SESN1: variants seen among roughly 807,000 people sequenced by gnomAD.
SESN1 encodes the protein sestrin 1, also known as sestrin-1.
A neutral mutation model predicts 59.3 loss-of-function variants in SESN1; 30 were observed. That is an observed-to-expected ratio of 0.51 (90% CI 0.38 to 0.69). SESN1 has a LOEUF of 0.69. Among genes scored for constraint, SESN1 ranks in the 30% least tolerant of loss-of-function variants. The pLI, the probability that SESN1 is intolerant of heterozygous loss-of-function variation, is 0.00. For synonymous variants in SESN1, 197 were observed against 219.9 expected, an observed-to-expected ratio of 0.90 and a Z score of 0.92; for missense variants, 566 against 673.0, an observed-to-expected ratio of 0.84 and a Z score of 1.76.
chr6:109,040,879 C>T (rs1780329311), intron 1 of SESN1, among the ~76,000 whole-genome samples: 1 of 151,950 alleles, frequency 6.6e-6, no homozygotes, highest in Non-Finnish European at 1.5e-5. Flanking sequence ...GTCTCAATCT[C>T]CTGACCTCGT....
intron 1 of SESN1, among the ~76,000 whole-genome samples, chr6:109,057,049 C>A (rs967956991): frequency 5.1e-4 from 78 of 152,290 alleles, no homozygotes; most frequent in African/African-American, 1.9e-3. Context: ...TGGTAAGGAA[C>A]TGAATTCTCC....
intron 1 of SESN1, among the ~76,000 whole-genome samples, chr6:109,061,611 C>T (rs1406794985): frequency 6.6e-6 from 1 of 152,024 alleles, no homozygotes; most frequent in Admixed American, 6.5e-5. Flanking sequence ...CGCGACCAGC[C>T]TGGGCAACAT....
At chr6:108,993,839 T>G (rs1239680406) in intron 6 of SESN1, among the ~76,000 whole-genome samples, 1 of 152,060 alleles carries the variant, frequency 6.6e-6, no homozygotes, top group African/African-American at 2.4e-5. Context: ...CTCAGCTTCT[T>G]GAGTAGCCGG....
At chr6:109,006,934 G>A (rs1779744479) in intron 1 of SESN1, among the ~76,000 whole-genome samples, 1 of 152,056 alleles carries the variant, frequency 6.6e-6, no homozygotes, top group Admixed American at 6.5e-5. Flanking sequence ...ACAAATTTTG[G>A]CCAATCCAGA....
intron 1 of SESN1, chr6:109,088,288 T>C (rs1458364757): frequency 2.0e-5 from 3 of 152,066 alleles, no homozygotes; most frequent in Admixed American, 6.6e-5. Context: ...AGTAATGTAG[T>C]TGAGCCAATG....
At chr6:109,036,213 A>G (rs1424281183) in intron 1 of SESN1, among the ~76,000 whole-genome samples, 1 of 152,240 alleles carries the variant, frequency 6.6e-6, no homozygotes, top group African/African-American at 2.4e-5. Context: ...TCATAGAAAC[A>G]TTGCTAAAAT....
rs961018418 is a variant in SESN1, at chr6:109,059,883, C to T, written c.279+33912G>A. Among the ~76,000 whole-genome samples the T allele has an allele frequency of 2.6e-5, 4 of 152,128 alleles. No individual in the cohort carries two copies. The South Asian group carries it at 8.3e-4, about 31-fold the overall frequency. On this transcript the variant is annotated intron_variant, in intron 1 of 9. Transcript: ENST00000436639. ...CTGCAATTTGACGATTTCTTCCACT[C>T]ACAGGAAGACAGGCCTAGACTATAA...
chr6:109,025,964 A>G, intron 1 of SESN1, among the ~76,000 whole-genome samples: 1 of 150,046 alleles, frequency 6.7e-6, no homozygotes, highest in East Asian at 1.9e-4. Context: ...TTTTTTTTTC[A>G]GGAAGCACAA....
intron 1 of SESN1, among the ~76,000 whole-genome samples, chr6:109,091,634 C>CTGCTTAAATG (rs1208610882): frequency 6.6e-6 from 1 of 152,248 alleles, no homozygotes; most frequent in Non-Finnish European, 1.5e-5. Context: ...TATCATGTCT[C>CTGCTTAAATG]TGCTTAAATG....
At chr6:109,048,013 A>G (rs1387766253) in intron 1 of SESN1, among the ~76,000 whole-genome samples, 5 of 149,680 alleles carry the variant, frequency 3.3e-5, no homozygotes, top group Non-Finnish European at 1.5e-5. Context: ...TCACTTGTTT[A>G]TCTGCTGACC....
At chr6:109,053,746 G>A (rs1780582210) in intron 1 of SESN1, among the ~76,000 whole-genome samples, 1 of 152,188 alleles carries the variant, frequency 6.6e-6, no homozygotes, top group Non-Finnish European at 1.5e-5. Flanking sequence ...ATTCATAAAG[G>A]TTGGATCTCA....
chr6:109,049,244 T>A (rs1780503406), intron 1 of SESN1, among the ~76,000 whole-genome samples: 1 of 152,096 alleles, frequency 6.6e-6, no homozygotes, highest in Non-Finnish European at 1.5e-5. Flanking sequence ...TGGATGGAAC[T>A]GAATTTATGA....
intron 5 of SESN1, 143 bp downstream of exon 5, chr6:108,998,370 C>A: frequency 1.1e-6 from 1 of 881,002 alleles, no homozygotes; most frequent in Non-Finnish European, 1.7e-6. Context: ...GTCAATAAAA[C>A]CCTACTGAAT....
intron 1 of SESN1, among the ~76,000 whole-genome samples, chr6:109,026,159 A>G (rs1209725755): frequency 6.6e-6 from 1 of 152,232 alleles, no homozygotes; most frequent in Non-Finnish European, 1.5e-5. Context: ...GAGAGAAAAT[A>G]TCATTGTTGA....
chr6:108,998,474 G>A (rs1464811190), intron 5 of SESN1, 39 bp downstream of exon 5: 2 of 1,608,034 alleles, frequency 1.2e-6, no homozygotes. Context: ...CAATTATTGT[G>A]ATTAGTTTTA....
At chr6:109,075,264 T>C (rs1318240979) in intron 1 of SESN1, among the ~76,000 whole-genome samples, 2 of 152,204 alleles carry the variant, frequency 1.3e-5, no homozygotes, top group Non-Finnish European at 2.9e-5. Flanking sequence ...GTTAGGGTAA[T>C]GGTTCCCAAT....
intron 3 of SESN1, among the ~76,000 whole-genome samples, chr6:109,001,016 T>C (rs1299472296): frequency 6.6e-6 from 1 of 152,208 alleles, no homozygotes; most frequent in African/African-American, 2.4e-5. Flanking sequence ...GCACCACTTA[T>C]GTCAATGTGA....
In SESN1 at chr6:109,094,372, C is replaced by A; in HGVS notation, c.-299G>T. 4.8e-6 allele frequency: 2 copies of A among 419,604 alleles called. No individual in the cohort carries two copies. Among genetic ancestry groups the A allele is most frequent in the South Asian group, 2.7e-5 (1 of 36,700 alleles). The allele number at this position is 419,604 out of a possible 1,614,324, so 26.0% of individuals were successfully genotyped here. Reference sequence around the variant, plus strand: ...GCAGAGAATTTCGGGGAAGCGTTCTCCTCCGTCTCGCGGGGTCAGTGGATA... The same window carrying A: ...GCAGAGAATTTCGGGGAAGCGTTCTACTCCGTCTCGCGGGGTCAGTGGATA... On this transcript the variant is annotated 5_prime_UTR_variant, in exon 1 of 10. Coordinates refer to ENST00000436639, the MANE Select transcript of SESN1 (RefSeq NM_014454.3).
At chr6:109,065,769 C>CA (rs1449450303) in intron 1 of SESN1, among the ~76,000 whole-genome samples, 5 of 151,368 alleles carry the variant, frequency 3.3e-5, no homozygotes, top group South Asian at 4.2e-4. Context: ...TATTAAAATA[C>CA]AAAAAAATTA....
Sources: allele counts gnomAD v4.1 joint callset (sites outside exome capture counted in the v4.1 genomes callset), GRCh38; gene constraint gnomAD v4.1.1; transcripts MANE v1.5; gene names NCBI Gene and HGNC (gene_info 2026-07-23, HGNC 2026-07-21).